Variants in ENGASE observed in about 807,000 individuals in gnomAD.
ENGASE encodes the protein endo-beta-N-acetylglucosaminidase.
A neutral mutation model predicts 78.5 loss-of-function variants in ENGASE; 69 were observed. The observed-to-expected ratio is 0.88, with a 90% CI of 0.72 to 1.07. ENGASE has a LOEUF of 1.07. Ranked by LOEUF, ENGASE falls within the 50% of genes least tolerant of loss-of-function variation. The pLI is 0.00. For synonymous variants in ENGASE, 408 were observed against 408.9 expected (o/e 1.00, Z 0.03); for missense variants, 943 against 988.4 (o/e 0.95, Z 0.62).
intron 4 of ENGASE, 111 bp downstream of exon 4, chr17:79,079,748 C>G: frequency 7.1e-7 from 1 of 1,411,192 alleles, no homozygotes; most frequent in East Asian, 2.3e-5. Context: ...CCCAGAGCCC[C>G]TCGCTGGGGG....
At chr17:79,084,822 G>A in intron 11 of ENGASE, 136 bp downstream of exon 11, 1 of 985,582 alleles carries the variant, frequency 1.0e-6, no homozygotes, top group Non-Finnish European at 1.5e-6. Context: ...GCCGGAGTCA[G>A]GGCAGCTTGT....
At chr17:79,080,900 CTCT>C in intron 5 of ENGASE, 22 bp from the exon 6 acceptor site, 1 of 1,599,614 alleles carries the variant, frequency 6.3e-7, no homozygotes, top group Non-Finnish European at 8.5e-7. Context: ...CTCACTGAGG[CTCT>C]CACCTTGTTC....
rs745957079 is a variant in ENGASE, at chr17:79,086,923, C to T, written c.*574C>T. 2.2e-6 allele frequency: 1 copy of T among 464,194 alleles called. No individual in the cohort carries two copies. The allele number at this position is 464,194 out of a possible 1,614,324, so 28.8% of individuals were successfully genotyped here. On this transcript the variant is annotated 3_prime_UTR_variant, in exon 14 of 14. Transcript: ENST00000579016. ...CCCTTTTCCCTGAGGAGTGGGCATT[C>T]TGGGCCAGCCGGCGCTGGCTTCGTG...
intron 1 of ENGASE, 39 bp from the exon 2 acceptor site, chr17:79,077,391 T>C (rs1437133521): frequency 1.3e-6 from 2 of 1,578,878 alleles, no homozygotes; most frequent in African/African-American, 2.7e-5. Flanking sequence ...TACCTATTTA[T>C]GTTTTTATTT....
chr17:79,083,859 G>A lies in ENGASE; in HGVS notation c.1350G>A (p.Arg450=). 3.1e-6 allele frequency: 5 copies of A among 1,612,846 alleles called. No homozygotes were observed. The highest frequency in any genetic ancestry group is 2.5e-6 in the Non-Finnish European group (3 of 1,179,856). ...GAGGGGATGGCCGGGGCTGGGTGAG[G>A]ACGCACTGCTGCCTGGAGGATGCCT... ...RLGGDGRGWV[R]THCCLEDAWH... is the part of the protein sequence containing the mutation. The change falls in exon 10 of 14, where the codon AGG becomes AGA. Residue 450 remains arginine, a synonymous_variant. Transcript: ENST00000579016. The surrounding 1 kb of genome is among the most constrained non-coding windows in gnomAD (Gnocchi z 4.9).
rs533658121 is a variant in ENGASE at position 79,087,059 on chromosome 17, G to C, written c.*710G>C. On this transcript the variant is annotated 3_prime_UTR_variant, in exon 14 of 14. Coordinates refer to ENST00000579016, the MANE Select transcript of ENGASE (RefSeq NM_001042573.3). ...CGTTTTCAGCAGCCCCTGGCTCTGC[G>C]GCGTCTCTTCCGGGCTGTGGGCATG... 55 of 473,658 alleles carry C rather than the reference G, an allele frequency of 1.2e-4. No homozygotes were observed. The East Asian group carries it at 2.2e-3, about 19-fold the overall frequency. 29.3% of individuals were successfully genotyped at this position (473,658 alleles called of 1,614,324 possible).
In ENGASE at chr17:79,087,300, C is replaced by T; in HGVS notation, c.*951C>T. The T allele has an allele frequency of 3.0e-6, 1 of 334,274 alleles. No individual in the cohort carries two copies. Among genetic ancestry groups the T allele is most frequent in the Admixed American group, 3.9e-5 (1 of 25,938 alleles). The allele number at this position is 334,274 out of a possible 1,614,324, so 20.7% of individuals were successfully genotyped here. ...GCTACTCTGTTCCTTCACGTCCTCC[C>T]TTCTCAGCCTCGTCCAAGCACCGGG... On this transcript the variant is annotated 3_prime_UTR_variant, in exon 14 of 14. Coordinates refer to ENST00000579016, the MANE Select transcript of ENGASE (RefSeq NM_001042573.3).
Position 79,077,446 on chromosome 17 carries a change from G to A in ENGASE, c.163G>A (p.Glu55Lys), listed in dbSNP as rs751644416. Residue 55 changes from glutamate (E) to lysine (K), a missense_variant, in exon 2 of 14, where the codon GAA becomes AAA. Coordinates refer to ENST00000579016, the MANE Select transcript of ENGASE (RefSeq NM_001042573.3). Reference protein sequence around the residue: ...RPGRSIKDEEEETVFREVVSF... With the variant: ...RPGRSIKDEEKETVFREVVSF... ...TTTGCTTAGCATCAAAGATGAAGAA[G>A]AAGAGACAGTCTTTCGAGAGGTGGT... is the stretch of plus-strand genomic sequence containing the variant. 1 of 1,589,056 alleles carries A rather than the reference G, an allele frequency of 6.3e-7. No homozygotes were observed. Among genetic ancestry groups the A allele is most frequent in the South Asian group, 1.2e-5 (1 of 85,994 alleles).
intron 1 of ENGASE, chr17:79,075,906 G>A: frequency 1.0e-6 from 1 of 985,356 alleles, no homozygotes; most frequent in Non-Finnish European, 1.2e-6. Flanking sequence ...CCTGGTGTGG[G>A]ATTGTTCTGA....
At chr17:79,078,562 T>G (rs2073027238) in intron 3 of ENGASE, among the ~76,000 whole-genome samples, 1 of 152,206 alleles carries the variant, frequency 6.6e-6, no homozygotes, top group African/African-American at 2.4e-5. Context: ...CTGATCCTGT[T>G]CTGGGTCGCT....
chr17:79,080,422 A>G, intron 5 of ENGASE, 58 bp downstream of exon 5: 1 of 1,570,488 alleles, frequency 6.4e-7, no homozygotes, highest in Non-Finnish European at 8.6e-7. Context: ...GCCCACCTCC[A>G]CCTCTTTCCT....
intron 1 of ENGASE, chr17:79,075,843 T>C: frequency 1.0e-6 from 1 of 985,292 alleles, no homozygotes; most frequent in Non-Finnish European, 1.2e-6. Context: ...ACAGGAGGAA[T>C]GTGGAGATGG....
chr17:79,082,338 C>T, intron 7 of ENGASE: 1 of 1,334,204 alleles, frequency 7.5e-7, no homozygotes, highest in Non-Finnish European at 9.7e-7. Flanking sequence ...CTGTCCGGTC[C>T]TCGGCGGGCC....
intron 1 of ENGASE, 34 bp downstream of exon 1, chr17:79,075,124 G>T: frequency 1.7e-6 from 2 of 1,203,064 alleles, no homozygotes; most frequent in South Asian, 4.1e-5. Flanking sequence ...ACCCCGATCC[G>T]CGGGGCTGAG....
Position 79,075,080 on chromosome 17 carries a change from C to G in ENGASE, c.136C>G (p.Pro46Ala). ...GGAGCCGCGGCCGCGGCGGCGGCGGCCGGGAAGGAGGTGGGGCTGCGGGGC... is the reference window on the plus strand; with the variant it reads ...GGAGCCGCGGCCGCGGCGGCGGCGGGCGGGAAGGAGGTGGGGCTGCGGGGC... ...DQEPRPRRRR[P>A]GRSIKDEEEE... Residue 46 changes from proline (P) to alanine (A), a missense_variant, in exon 1 of 14, where the codon CCG becomes GCG. By Grantham distance (27) the Pro-to-Ala change is conservative (BLOSUM62 -1). Coordinates refer to ENST00000579016, the MANE Select transcript of ENGASE (RefSeq NM_001042573.3). The G allele has an allele frequency of 8.3e-7, 1 of 1,207,214 alleles. No individual in the cohort carries two copies. The highest frequency in any genetic ancestry group is 1.0e-6 in the Non-Finnish European group (1 of 970,984). 74.8% of individuals were successfully genotyped at this position (1,207,214 alleles called of 1,614,324 possible).
Position 79,077,878 on chromosome 17 carries a change from C to G in ENGASE, c.416+14C>G. 6.1e-6 allele frequency: 9 copies of G among 1,485,778 alleles called. No homozygotes were observed. The highest frequency in any genetic ancestry group is 8.2e-6 in the Non-Finnish European group (9 of 1,101,778). 92.0% of individuals were successfully genotyped at this position (1,485,778 alleles called of 1,614,324 possible). ...CCTGGATGACAGGTGAGGACCTGGC[C>G]TTACATTGATGTTGCTTACATTGTT... On this transcript the variant is annotated intron_variant, in intron 3 of 13. Coordinates refer to ENST00000579016, the MANE Select transcript of ENGASE (RefSeq NM_001042573.3).
intron 1 of ENGASE, 95 bp from the exon 2 acceptor site, chr17:79,077,335 C>A: frequency 1.9e-6 from 2 of 1,036,308 alleles, no homozygotes; most frequent in Non-Finnish European, 2.8e-6. Context: ...CAGAGAATAT[C>A]TCTCTGTGTT....
At chr17:79,082,341 G>A (rs2073166569) in intron 7 of ENGASE, 20 of 1,308,608 alleles carry the variant, frequency 1.5e-5, no homozygotes, top group Admixed American at 2.9e-5. Context: ...TCCGGTCCTC[G>A]GCGGGCCTGG....
chr17:79,077,417 C>T lies in ENGASE; in HGVS notation c.147-13C>T. On this transcript the variant is annotated splice_polypyrimidine_tract_variant and intron_variant, in intron 1 of 13. Transcript: ENST00000579016. ...GTTTTTATTTATAAATGTACAACTCCCTCTTTGCTTAGCATCAAAGATGAA... is the reference window on the plus strand; with the variant it reads ...GTTTTTATTTATAAATGTACAACTCTCTCTTTGCTTAGCATCAAAGATGAA... 1.3e-6 allele frequency: 2 copies of T among 1,596,634 alleles called. No homozygotes were observed. Among genetic ancestry groups the T allele is most frequent in the Non-Finnish European group, 1.7e-6 (2 of 1,175,436 alleles).
Sources: gnomAD v4.1 joint callset for allele counts (sites outside exome capture counted in the v4.1 genomes callset) on GRCh38, gnomAD v4.1.1 for gene constraint, Gnocchi (gnomAD v3.1) non-coding constraint, MANE v1.5 for transcripts, NCBI Gene and HGNC (gene_info 2026-07-23, HGNC 2026-07-21) for gene names.